The following ADAMTS18 variants were observed in gnomAD, a reference collection of about 807,000 sequenced individuals.
The protein encoded by ADAMTS18 is A disintegrin and metalloproteinase with thrombospondin motifs 18.
ADAMTS18 carries 157 observed loss-of-function variants against 165.9 expected under a neutral mutation model. That is an observed-to-expected ratio of 0.95 (90% CI 0.83 to 1.08). ADAMTS18 has a LOEUF of 1.08. Ranked by LOEUF, ADAMTS18 falls within the 50% of genes least tolerant of loss-of-function variation. The pLI, the probability that ADAMTS18 is intolerant of heterozygous loss-of-function variation, is 0.00. For missense variants in ADAMTS18, 2,040 were observed against 1,534.0 expected (o/e 1.33, Z -5.51); for synonymous variants, 782 against 578.2 (o/e 1.35, Z -5.06).
Position 77,295,043 on chromosome 16 carries a change from C to T in ADAMTS18, c.2886G>A (p.Lys962=). Residue 962 remains lysine (K), a synonymous_variant, in exon 19 of 23, where the codon AAG becomes AAA. Transcript: ENST00000282849. ...ACACTGCTTCCTCCTTTTGGAAGGG[C>T]TTCTTTTGCACACACTGGATCTTTC... The part of the protein sequence containing the change: ...QSRKIQCVQK[K]PFQKEEAVLH... The T allele has an allele frequency of 1.9e-6, 3 of 1,614,198 alleles. No individual in the cohort carries two copies. Among genetic ancestry groups the T allele is most frequent in the Non-Finnish European group, 2.5e-6 (3 of 1,180,030 alleles).
chr16:77,432,919 G>C (rs2057755607), intron 2 of ADAMTS18, among the ~76,000 whole-genome samples: 2 of 151,830 alleles, frequency 1.3e-5, no homozygotes, highest in Admixed American at 1.3e-4. Context: ...TTATTCCTTG[G>C]GCAGCTTTCA....
At chr16:77,392,587 G>A (rs556933968) in intron 3 of ADAMTS18, among the ~76,000 whole-genome samples, 2 of 151,966 alleles carry the variant, frequency 1.3e-5, no homozygotes, top group African/African-American at 2.4e-5. Flanking sequence ...CAACAGATTC[G>A]ATAGATTCTA....
intron 22 of ADAMTS18, 121 bp downstream of exon 22, chr16:77,289,143 C>G: frequency 7.6e-7 from 1 of 1,309,884 alleles, no homozygotes; most frequent in Non-Finnish European, 1.1e-6. Context: ...GTCACATAGA[C>G]TTCGGGTGAA....
At chr16:77,368,447 T>G (rs2056831258) in intron 3 of ADAMTS18, among the ~76,000 whole-genome samples, 1 of 151,554 alleles carries the variant, frequency 6.6e-6, no homozygotes. Context: ...CTTTTTTTTT[T>G]TTTTTTTGAG....
intron 10 of ADAMTS18, among the ~76,000 whole-genome samples, chr16:77,350,185 C>T (rs1459523834): frequency 6.6e-6 from 1 of 152,152 alleles, no homozygotes; most frequent in Non-Finnish European, 1.5e-5. Context: ...TTGAGTCTTT[C>T]CAGATAACAG....
intron 3 of ADAMTS18, among the ~76,000 whole-genome samples, chr16:77,378,661 G>A (rs886387761): frequency 6.6e-6 from 1 of 152,092 alleles, no homozygotes; most frequent in Non-Finnish European, 1.5e-5. Flanking sequence ...GTTGCAGTGA[G>A]CCCAGATCAC....
chr16:77,368,360 C>T (rs1169322248), intron 3 of ADAMTS18, among the ~76,000 whole-genome samples: 1 of 152,024 alleles, frequency 6.6e-6, no homozygotes, highest in Non-Finnish European at 1.5e-5. Flanking sequence ...ATGCCATGTT[C>T]ACCACTGGAT....
chr16:77,381,326 G>A (rs989349447), intron 3 of ADAMTS18, among the ~76,000 whole-genome samples: 6 of 152,126 alleles, frequency 3.9e-5, no homozygotes, highest in African/African-American at 1.2e-4. Flanking sequence ...CTGAAATGCT[G>A]GACTCTGAAG....
rs139770128 is a variant in ADAMTS18, at chr16:77,289,914, G to A, written c.3403-503C>T. Among the ~76,000 whole-genome samples, 662 of 152,256 alleles carry A rather than the reference G, an allele frequency of 4.3e-3. 3 individuals are homozygous for A. Among genetic ancestry groups the A allele is most frequent in the Middle Eastern group, 0.017 (5 of 294 alleles). On this transcript the variant is annotated intron_variant, in intron 21 of 22. Coordinates refer to ENST00000282849, the MANE Select transcript of ADAMTS18 (RefSeq NM_199355.4). ...ACAGAGTTGGTGCTTCTTAGGAGTC[G>A]CTGATTTCAGTGTGCAATTAAAAAT... is the stretch of plus-strand genomic sequence containing the variant.
chr16:77,365,130 A>T (rs1279766484), intron 4 of ADAMTS18, among the ~76,000 whole-genome samples: 1 of 152,020 alleles, frequency 6.6e-6, no homozygotes, highest in Admixed American at 6.6e-5. Flanking sequence ...ACACCTACGC[A>T]TTTACCTTTA....
At chr16:77,334,200 CATATAATATACAGTGTTAT>C (rs2056245824) in intron 12 of ADAMTS18, among the ~76,000 whole-genome samples, 1 of 35,868 alleles carries the variant, frequency 2.8e-5, no homozygotes, top group Non-Finnish European at 5.2e-5. Context: ...TTATATATTA[CATATAATATACAGTGTTAT>C]ATATTATATA....
At chr16:77,309,070 T>C (rs1010983412) in intron 16 of ADAMTS18, among the ~76,000 whole-genome samples, 1 of 152,188 alleles carries the variant, frequency 6.6e-6, no homozygotes, top group African/African-American at 2.4e-5. Flanking sequence ...CCCTTAGTCT[T>C]TATGCCAGAC....
rs1168657532 is a variant in ADAMTS18 at position 77,434,753 on chromosome 16, G to A, written c.-58C>T. Reference sequence around the variant, plus strand: ...CAGACGCGGCAGGCGGAGCGCACGGGCGGCGCGCATTCTTTCCGCGGCCCC... The same window carrying A: ...CAGACGCGGCAGGCGGAGCGCACGGACGGCGCGCATTCTTTCCGCGGCCCC... On this transcript the variant is annotated 5_prime_UTR_variant, in exon 1 of 23. Coordinates refer to ENST00000282849, the MANE Select transcript of ADAMTS18 (RefSeq NM_199355.4). 1.5e-6 allele frequency: 2 copies of A among 1,334,584 alleles called. No individual in the cohort carries two copies. Among genetic ancestry groups the A allele is most frequent in the East Asian group, 3.2e-5 (1 of 30,894 alleles). The allele number at this position is 1,334,584 out of a possible 1,614,324, so 82.7% of individuals were successfully genotyped here.
At chr16:77,326,595 C>A (rs2056099730) in intron 12 of ADAMTS18, among the ~76,000 whole-genome samples, 2 of 152,136 alleles carry the variant, frequency 1.3e-5, no homozygotes, top group Non-Finnish European at 2.9e-5. Context: ...GTTGCCCAGG[C>A]CAGTCTCAAA....
Position 77,412,908 on chromosome 16 carries a change from G to A in ADAMTS18, c.495+18387C>T, listed in dbSNP as rs117980170. ...CACAGGGTCTCACTATGTTGCCCAG[G>A]CTGGTCTTGAACTCCTGGTTTCAAG... is the stretch of plus-strand genomic sequence containing the variant. On this transcript the variant is annotated intron_variant, in intron 3 of 22. Coordinates refer to ENST00000282849, the MANE Select transcript of ADAMTS18 (RefSeq NM_199355.4). Among the ~76,000 whole-genome samples, 1,300 of 152,082 alleles carry A rather than the reference G, an allele frequency of 8.5e-3. 3 individuals carry two copies. The highest frequency in any genetic ancestry group is 0.031 in the Middle Eastern group (9 of 294).
At chr16:77,357,672 T>A (rs904468770) in intron 8 of ADAMTS18, among the ~76,000 whole-genome samples, 5 of 152,218 alleles carry the variant, frequency 3.3e-5, no homozygotes, top group Non-Finnish European at 5.9e-5. Flanking sequence ...CAAGTCGGAA[T>A]TTAATTTTGA....
At chr16:77,413,417 T>C (rs11866946) in intron 3 of ADAMTS18, among the ~76,000 whole-genome samples, 90,915 of 152,054 alleles carry the variant, frequency 0.6, 28,095 homozygotes, top group Middle Eastern at 0.73. Flanking sequence ...AATTATCTGC[T>C]TCAGTGCTAG....
At chr16:77,326,781 C>A (rs113600553) in intron 12 of ADAMTS18, among the ~76,000 whole-genome samples, 4 of 152,164 alleles carry the variant, frequency 2.6e-5, no homozygotes, top group African/African-American at 9.7e-5. Context: ...AGTTAAATTG[C>A]GTCTCGCAGG....
At chr16:77,313,805 C>A (rs1447673471) in intron 16 of ADAMTS18, among the ~76,000 whole-genome samples, 1 of 152,128 alleles carries the variant, frequency 6.6e-6, no homozygotes, top group Non-Finnish European at 1.5e-5. Context: ...AAACTGATAC[C>A]TTCAAGCCGA....
Sources: gnomAD v4.1 joint callset for allele counts (sites outside exome capture counted in the v4.1 genomes callset) on GRCh38, gnomAD v4.1.1 for gene constraint, MANE v1.5 for transcripts, NCBI Gene and HGNC (gene_info 2026-07-23, HGNC 2026-07-21) for gene names.